Variants in PTPN13 observed in about 807,000 individuals in gnomAD.
PTPN13 encodes protein tyrosine phosphatase non-receptor type 13.
A neutral mutation model predicts 284.0 loss-of-function variants in PTPN13; 191 were observed. That is an observed-to-expected ratio of 0.67 (90% confidence interval 0.60 to 0.76). PTPN13 has a LOEUF of 0.76. Among genes scored for constraint, PTPN13 ranks in the 30% least tolerant of loss-of-function variants. The pLI is 0.00. For missense variants in PTPN13, 2,797 were observed against 2,939.9 expected, an observed-to-expected ratio of 0.95 and a Z score of 1.12; for synonymous variants, 986 against 1,022.3, an observed-to-expected ratio of 0.96 and a Z score of 0.68.
intron 1 of PTPN13, among the ~76,000 whole-genome samples, chr4:86,604,827 T>C (rs1005974222): frequency 6.6e-6 from 1 of 152,002 alleles, no homozygotes; most frequent in Non-Finnish European, 1.5e-5. Context: ...TTGAGAAATA[T>C]TGAAAAATAA....
chr4:86,657,800 G>A (rs1406830399), intron 2 of PTPN13, among the ~76,000 whole-genome samples: 1 of 152,194 alleles, frequency 6.6e-6, no homozygotes, highest in African/African-American at 2.4e-5. Context: ...GGAATTGGGG[G>A]CTTCGGGAAT....
At position 86,734,748 on chromosome 4, in the gene PTPN13, C is replaced by T. The variant is rs762925889; in HGVS notation, c.2024C>T (p.Thr675Met). ...GTTTGTTTTTTCAGACATACTCTGA[C>T]GTGTCATCAGTATTACCTTCAGCTT... Reference protein sequence around the residue: ...DDVSLIQHTLTCHQYYLQLRK... With the variant: ...DDVSLIQHTLMCHQYYLQLRK... The change falls in exon 14 of 48, where the codon ACG becomes ATG. Residue 675 changes from threonine (T) to methionine (M), a missense_variant. Transcript: ENST00000411767. 12 of 1,610,728 alleles carry T rather than the reference C, an allele frequency of 7.5e-6. No homozygotes were observed. Among genetic ancestry groups the T allele is most frequent in the East Asian group, 4.5e-5 (2 of 44,810 alleles).
At chr4:86,762,513 G>C (rs1354118938) in intron 23 of PTPN13, among the ~76,000 whole-genome samples, 3 of 152,124 alleles carry the variant, frequency 2.0e-5, no homozygotes, top group Admixed American at 2.0e-4. Context: ...ATGGAAATGG[G>C]GAGTTAAGGT....
intron 7 of PTPN13, among the ~76,000 whole-genome samples, chr4:86,715,316 A>AT (rs1259775011): frequency 6.6e-6 from 1 of 152,122 alleles, no homozygotes; most frequent in Admixed American, 6.6e-5. Context: ...CAAAACTTTG[A>AT]TTATATATAT....
At chr4:86,634,739 TAC>T (rs757768002) in intron 1 of PTPN13, among the ~76,000 whole-genome samples, 2 of 152,174 alleles carry the variant, frequency 1.3e-5, no homozygotes, top group African/African-American at 2.4e-5. Context: ...GTGCAAAATA[TAC>T]AGTTATAGTA....
At chr4:86,642,517 A>G (rs1292167602) in intron 2 of PTPN13, among the ~76,000 whole-genome samples, 3 of 128,074 alleles carry the variant, frequency 2.3e-5, no homozygotes, top group Non-Finnish European at 3.1e-5. Flanking sequence ...CAGTGGTGCA[A>G]TCTCGGCTCA....
At chr4:86,797,046 G>A in intron 41 of PTPN13, 117 bp downstream of exon 41, 2 of 738,294 alleles carry the variant, frequency 2.7e-6, no homozygotes, top group Non-Finnish European at 2.1e-6. Flanking sequence ...ATAAAACTAT[G>A]GTTGAATATT....
chr4:86,718,032 G>A (rs1012201511), intron 9 of PTPN13, among the ~76,000 whole-genome samples: 9 of 152,262 alleles, frequency 5.9e-5, no homozygotes, highest in African/African-American at 2.2e-4. Context: ...TATTATAGCT[G>A]TGTGTTGATT....
At chr4:86,659,314 A>G (rs973945000) in intron 2 of PTPN13, among the ~76,000 whole-genome samples, 2 of 152,158 alleles carry the variant, frequency 1.3e-5, no homozygotes, top group Non-Finnish European at 2.9e-5. Context: ...ATCAAAATCT[A>G]ACACTCATAA....
chr4:86,704,184 C>T (rs183794383), intron 7 of PTPN13, among the ~76,000 whole-genome samples: 3 of 152,128 alleles, frequency 2.0e-5, no homozygotes, highest in Admixed American at 6.5e-5. Flanking sequence ...AACTCCGTCT[C>T]AAATAATAAT....
chr4:86,713,835 A>G (rs796923587), intron 7 of PTPN13, among the ~76,000 whole-genome samples: 2 of 152,246 alleles, frequency 1.3e-5, no homozygotes, highest in African/African-American at 4.8e-5. Flanking sequence ...CTGGTTCCAC[A>G]AACCTGGTTT....
intron 19 of PTPN13, 112 bp from the exon 20 acceptor site, chr4:86,752,897 A>C: frequency 1.6e-6 from 1 of 635,846 alleles, no homozygotes; most frequent in African/African-American, 1.8e-5. Context: ...TAAATACAAA[A>C]TGTTGCTGCC....
intron 2 of PTPN13, among the ~76,000 whole-genome samples, chr4:86,667,705 T>C (rs888780733): frequency 2.6e-5 from 4 of 152,202 alleles, no homozygotes; most frequent in Non-Finnish European, 5.9e-5. Flanking sequence ...AACAGCGGCC[T>C]CTGCATACAT....
intron 3 of PTPN13, among the ~76,000 whole-genome samples, chr4:86,677,610 G>A (rs959919228): frequency 1.1e-4 from 17 of 150,854 alleles, no homozygotes; most frequent in African/African-American, 3.4e-4. Context: ...ACTGTGCCCA[G>A]CCGGTAAATT....
chr4:86,689,600 C>T (rs978108779), intron 5 of PTPN13: 25 of 700,284 alleles, frequency 3.6e-5, no homozygotes, highest in Middle Eastern at 2.3e-4. Context: ...CGTGACCACT[C>T]ATTTGTCTGG....
intron 47 of PTPN13, among the ~76,000 whole-genome samples, chr4:86,812,514 A>T (rs1745345844): frequency 6.6e-6 from 1 of 152,138 alleles, no homozygotes; most frequent in Non-Finnish European, 1.5e-5. Context: ...TGAAATAGGT[A>T]AAGGGAATCA....
intron 2 of PTPN13, among the ~76,000 whole-genome samples, chr4:86,669,652 G>A (rs1727513743): frequency 6.6e-6 from 1 of 152,050 alleles, no homozygotes; most frequent in South Asian, 2.1e-4. Context: ...CTGAGGAGGG[G>A]AGAGGGTCAG....
chr4:86,813,913 G>A (rs781290227), intron 47 of PTPN13, among the ~76,000 whole-genome samples: 39 of 150,732 alleles, frequency 2.6e-4, no homozygotes, highest in Non-Finnish European at 4.1e-4. Flanking sequence ...GTTCCATCCC[G>A]CATCCCTCAG....
At chr4:86,757,262 G>T (rs943036432) in intron 20 of PTPN13, among the ~76,000 whole-genome samples, 2 of 152,072 alleles carry the variant, frequency 1.3e-5, no homozygotes, top group African/African-American at 4.8e-5. Context: ...ATTTAACTAG[G>T]ATTTATCAAG....
Sources: gnomAD v4.1 joint callset for allele counts (sites outside exome capture counted in the v4.1 genomes callset) on GRCh38, gnomAD v4.1.1 for gene constraint, MANE v1.5 for transcripts, NCBI Gene and HGNC (gene_info 2026-07-23, HGNC 2026-07-21) for gene names.